RUNX1T1: variants seen among roughly 807,000 people sequenced by gnomAD.
RUNX1T1 encodes RUNX1 partner transcriptional co-repressor 1.
RUNX1T1 carries 4 observed loss-of-function variants against 62.8 expected under a neutral mutation model. The observed-to-expected ratio is 0.06, with a 90% CI of 0.03 to 0.15. RUNX1T1 has a LOEUF of 0.15. Ranked by LOEUF, RUNX1T1 falls within the 10% of genes least tolerant of loss-of-function variation. The pLI, the probability that RUNX1T1 is intolerant of heterozygous loss-of-function variation, is 1.00. For missense variants in RUNX1T1, 508 were observed against 754.3 expected (o/e 0.67, Z 3.82); for synonymous variants, 291 against 286.0 (o/e 1.02, Z -0.18).
chr8:92,035,770 CATAT>C (rs10608050), intron 1 of RUNX1T1, among the ~76,000 whole-genome samples: 4 of 149,014 alleles, frequency 2.7e-5, no homozygotes, highest in Non-Finnish European at 1.5e-5. Context: ...GAAATATCTG[CATAT>C]ATATATATAT....
At chr8:91,968,857 T>G (rs1812187929) in intron 10 of RUNX1T1, among the ~76,000 whole-genome samples, 1 of 152,150 alleles carries the variant, frequency 6.6e-6, no homozygotes, top group Admixed American at 6.5e-5. Context: ...TACTAGACAC[T>G]TCCACTCTTC....
chr8:92,005,305 G>A lies in RUNX1T1; in HGVS notation c.478-8C>T. On this transcript the variant is annotated splice_region_variant and splice_polypyrimidine_tract_variant and intron_variant, in intron 4 of 10. Coordinates refer to ENST00000396218, the Ensembl canonical transcript of RUNX1T1. ...CAGCAGGGGCAAGTTGGCCTGCAAG[G>A]GAATGACAGGAATGAGAGGACGGAC... 1 of 1,607,204 alleles carries A rather than the reference G, an allele frequency of 6.2e-7. No individual in the cohort carries two copies. Among genetic ancestry groups the A allele is most frequent in the African/African-American group, 1.3e-5 (1 of 74,600 alleles).
chr8:92,007,094 G>T (rs1820931758), intron 4 of RUNX1T1, among the ~76,000 whole-genome samples: 1 of 152,120 alleles, frequency 6.6e-6, no homozygotes, highest in Non-Finnish European at 1.5e-5. Context: ...AGTAAAGAGA[G>T]AGCTTAGATA....
intron 1 of RUNX1T1, among the ~76,000 whole-genome samples, chr8:92,090,538 G>A (rs1024153639): frequency 6.6e-6 from 1 of 152,176 alleles, no homozygotes; most frequent in African/African-American, 2.4e-5. Flanking sequence ...AGAGAAGCCT[G>A]GATCAGGTGG....
chr8:92,077,696 T>C (rs1293137378), intron 1 of RUNX1T1, among the ~76,000 whole-genome samples: 2 of 152,112 alleles, frequency 1.3e-5, no homozygotes, highest in Non-Finnish European at 2.9e-5. Context: ...TCAGAGAGCC[T>C]GACAAAAGTG....
intron 1 of RUNX1T1, among the ~76,000 whole-genome samples, chr8:92,080,985 A>T (rs956724896): frequency 6.6e-6 from 1 of 152,218 alleles, no homozygotes; most frequent in Admixed American, 6.5e-5. Context: ...TCTGTTGCAG[A>T]TATAATTTAA....
intron 10 of RUNX1T1, among the ~76,000 whole-genome samples, chr8:91,966,439 T>C (rs987963673): frequency 6.6e-6 from 1 of 151,966 alleles, no homozygotes; most frequent in Non-Finnish European, 1.5e-5. Flanking sequence ...ATCACTTTGG[T>C]AGTTTAAAAC....
At chr8:92,024,220 C>T (rs1221696048) in intron 1 of RUNX1T1, among the ~76,000 whole-genome samples, 1 of 152,092 alleles carries the variant, frequency 6.6e-6, no homozygotes, top group Admixed American at 6.6e-5. Flanking sequence ...ATAACCCTGG[C>T]ATGCAAGGTG....
chr8:92,092,853 T>A (rs1437460799), intron 1 of RUNX1T1, among the ~76,000 whole-genome samples: 1 of 152,010 alleles, frequency 6.6e-6, no homozygotes, highest in Admixed American at 6.5e-5. Context: ...TAGAAAATTT[T>A]TTTTTTATTT....
downstream of RUNX1T1, chr8:91,957,718 A>C (rs1809589058): frequency 4.4e-6 from 1 of 225,478 alleles, no homozygotes; most frequent in Admixed American, 5.7e-5. Flanking sequence ...TCTGTAAGAA[A>C]GGACTGTCCA....
At chr8:92,031,208 C>T (rs923463184) in intron 1 of RUNX1T1, among the ~76,000 whole-genome samples, 8 of 152,112 alleles carry the variant, frequency 5.3e-5, no homozygotes, top group African/African-American at 1.7e-4. Context: ...GCTGTATCTC[C>T]GGTGTCTAAA....
exon 1 of RUNX1T1, chr8:92,062,619 C>T: frequency 6.2e-7 from 1 of 1,614,026 alleles, no homozygotes; most frequent in South Asian, 1.1e-5. Context: ...CGGGCTCATG[C>T]CTCCTGTTCT....
chr8:92,033,021 A>G (rs1826552663), intron 1 of RUNX1T1, among the ~76,000 whole-genome samples: 1 of 152,206 alleles, frequency 6.6e-6, no homozygotes, highest in Non-Finnish European at 1.5e-5. Flanking sequence ...ACTTCAATTA[A>G]TATACTTTTC....
intron 10 of RUNX1T1, among the ~76,000 whole-genome samples, chr8:91,962,885 G>A (rs1810813781): frequency 6.6e-6 from 1 of 152,160 alleles, no homozygotes; most frequent in South Asian, 2.1e-4. Flanking sequence ...TTTTGGCAGA[G>A]GCACGTTTTG....
upstream of RUNX1T1, among the ~76,000 whole-genome samples, chr8:92,100,386 A>T (rs1428233666): frequency 1.3e-5 from 2 of 152,244 alleles, no homozygotes; most frequent in Non-Finnish European, 2.9e-5. Context: ...TTTCAAATAA[A>T]GTCACTGCTA....
intron 1 of RUNX1T1, among the ~76,000 whole-genome samples, chr8:92,091,493 T>C (rs1837009582): frequency 6.6e-6 from 1 of 152,178 alleles, no homozygotes; most frequent in Non-Finnish European, 1.5e-5. Context: ...TCATCAAGTA[T>C]CAACATTTCA....
chr8:91,976,486 A>AT lies in RUNX1T1; in HGVS notation c.1199-514dup, dbSNP rs554544547. On this transcript the variant is annotated intron_variant, in intron 8 of 10. Coordinates refer to ENST00000396218, the Ensembl canonical transcript of RUNX1T1. ...CTTAAAAATCTCAGTGACCATTAAA[A>AT]TTTTTCACACAAATTAGATCATATG... 5.5e-4 allele frequency among the ~76,000 whole-genome samples: 83 copies of AT among 152,260 alleles called. 1 individual carries two copies. Among genetic ancestry groups the AT allele is most frequent in the African/African-American group, 1.8e-3 (75 of 41,548 alleles).
At chr8:92,046,631 TG>T (rs1220481061) in intron 1 of RUNX1T1, among the ~76,000 whole-genome samples, 2 of 152,216 alleles carry the variant, frequency 1.3e-5, no homozygotes, top group Non-Finnish European at 2.9e-5. Flanking sequence ...CCCAAAGTGC[TG>T]GAACTACAGG....
At chr8:92,084,932 A>G (rs1215593004) in intron 1 of RUNX1T1, among the ~76,000 whole-genome samples, 1 of 152,232 alleles carries the variant, frequency 6.6e-6, no homozygotes, top group African/African-American at 2.4e-5. Flanking sequence ...GAAGCAGCCA[A>G]AGAGAGACTA....
Sources: gnomAD v4.1 joint callset for allele counts (sites outside exome capture counted in the v4.1 genomes callset) on GRCh38, gnomAD v4.1.1 for gene constraint, MANE v1.5 for transcripts, NCBI Gene and HGNC (gene_info 2026-07-23, HGNC 2026-07-21) for gene names.